The following MCHR2 variants were observed in gnomAD, a reference collection of about 807,000 sequenced individuals.
The protein encoded by MCHR2 is melanin concentrating hormone receptor 2.
MCHR2 carries 15 observed loss-of-function variants against 24.8 expected under a neutral mutation model. The ratio of observed to expected loss-of-function variants is 0.60; its 90% CI spans 0.40 to 0.93. MCHR2 has a LOEUF of 0.93. Ranked by LOEUF, MCHR2 falls within the 40% of genes least tolerant of loss-of-function variation. The pLI is 0.00. For missense variants in MCHR2, 386 were observed against 408.7 expected (o/e 0.94, Z 0.48); for synonymous variants, 151 against 147.6 (o/e 1.02, Z -0.17).
At chr6:99,940,107 C>A (rs540335085) in intron 4 of MCHR2, among the ~76,000 whole-genome samples, 235 of 151,966 alleles carry the variant, frequency 1.5e-3, no homozygotes, top group Middle Eastern at 3.4e-3. Context: ...CTGATCTTCC[C>A]ATATCTGGAT....
chr6:99,993,608 C>T (rs1489741181), intron 1 of MCHR2, among the ~76,000 whole-genome samples: 1 of 152,128 alleles, frequency 6.6e-6, no homozygotes, highest in Non-Finnish European at 1.5e-5. Flanking sequence ...CCGGCGCGCT[C>T]CAGCGGTCTC....
At chr6:99,934,765 A>T (rs1462356126) in intron 4 of MCHR2, among the ~76,000 whole-genome samples, 1 of 152,108 alleles carries the variant, frequency 6.6e-6, no homozygotes, top group Non-Finnish European at 1.5e-5. Flanking sequence ...GTGTAGAATA[A>T]GTGAGGCTAC....
In MCHR2 at chr6:99,918,732, G is replaced by A. The variant is rs1022858292; in HGVS notation, c.*2208C>T. 7.2e-5 allele frequency among the ~76,000 whole-genome samples: 11 copies of A among 152,122 alleles called. No homozygotes were observed. The highest frequency in any genetic ancestry group is 2.7e-4 in the African/African-American group (11 of 41,422). On this transcript the variant is annotated 3_prime_UTR_variant, in exon 6 of 6. Transcript: ENST00000281806. ...TCTATCAAATCACCTCTGTAAATCT[G>A]CATATAAATATGCTTATGCATAGAA...
At position 99,974,350 on chromosome 6, in the gene MCHR2, A is replaced by G. The variant is rs546058590; in HGVS notation, c.-27-18176T>C. Among the ~76,000 whole-genome samples, 12 of 152,240 alleles carry G rather than the reference A, an allele frequency of 7.9e-5. No individual in the cohort carries two copies. In the East Asian group the frequency reaches 2.3e-3, roughly 29 times the overall value. ...GATACACTTTCTTCCAGTTGATTGC[A>G]TTGGCTCCTGAGGCTTCTGCATTGT... On this transcript the variant is annotated intron_variant, in intron 1 of 5. Transcript: ENST00000281806.
At chr6:99,968,479 T>G (rs1334029720) in intron 1 of MCHR2, among the ~76,000 whole-genome samples, 1 of 152,168 alleles carries the variant, frequency 6.6e-6, no homozygotes, top group Non-Finnish European at 1.5e-5. Context: ...CTCTCACATC[T>G]CAGTTGCCCA....
chr6:99,929,608 C>A (rs1020919104), intron 5 of MCHR2, among the ~76,000 whole-genome samples: 2 of 151,862 alleles, frequency 1.3e-5, no homozygotes, highest in Non-Finnish European at 2.9e-5. Flanking sequence ...TTCTTTGTCT[C>A]TTCTGATCTT....
At chr6:99,979,419 G>A (rs1285574327) in intron 1 of MCHR2, among the ~76,000 whole-genome samples, 1 of 152,166 alleles carries the variant, frequency 6.6e-6, no homozygotes, top group African/African-American at 2.4e-5. Context: ...GTAGCCACTA[G>A]CCACATGTGG....
At chr6:99,949,197 TGCTCTAAG>T (rs1774925455) in intron 2 of MCHR2, among the ~76,000 whole-genome samples, 1 of 152,208 alleles carries the variant, frequency 6.6e-6, no homozygotes, top group Non-Finnish European at 1.5e-5. Context: ...CATAATGTTG[TGCTCTAAG>T]GCTGTAAAGC....
intron 5 of MCHR2, among the ~76,000 whole-genome samples, chr6:99,930,186 T>TA (rs1774482871): frequency 6.6e-6 from 1 of 152,202 alleles, no homozygotes; most frequent in South Asian, 2.1e-4. Context: ...TCCTGGCTTG[T>TA]AGGGTTTCTG....
intron 1 of MCHR2, among the ~76,000 whole-genome samples, chr6:99,987,302 AAT>A (rs1280678926): frequency 6.6e-6 from 1 of 152,170 alleles, no homozygotes; most frequent in Non-Finnish European, 1.5e-5. Flanking sequence ...TGTCAGGTTG[AAT>A]AATATATCCT....
At chr6:99,934,618 A>G in intron 4 of MCHR2, 101 bp from the exon 5 acceptor site, 1 of 1,111,816 alleles carries the variant, frequency 9.0e-7, no homozygotes, top group Non-Finnish European at 1.2e-6. Flanking sequence ...TAATTCTTTC[A>G]TTTTTCAGGG....
intron 1 of MCHR2, among the ~76,000 whole-genome samples, chr6:99,960,402 C>G (rs1329026140): frequency 1.3e-5 from 2 of 152,162 alleles, no homozygotes; most frequent in African/African-American, 4.8e-5. Context: ...AATGGCCATA[C>G]TGCCCAAGGT....
intron 4 of MCHR2, among the ~76,000 whole-genome samples, chr6:99,940,143 A>G (rs1356118914): frequency 6.6e-6 from 1 of 151,616 alleles, no homozygotes; most frequent in African/African-American, 2.4e-5. Context: ...AATTTGGGGA[A>G]ATTTTCTGTT....
chr6:99,939,491 T>C (rs1188323538), intron 4 of MCHR2, among the ~76,000 whole-genome samples: 1 of 152,102 alleles, frequency 6.6e-6, no homozygotes, highest in Non-Finnish European at 1.5e-5. Flanking sequence ...ATTTTAACTT[T>C]TAGTTGTCTC....
At chr6:99,963,122 CA>C (rs750292324) in intron 1 of MCHR2, among the ~76,000 whole-genome samples, 58 of 151,484 alleles carry the variant, frequency 3.8e-4, no homozygotes, top group Non-Finnish European at 8.4e-4. Flanking sequence ...AAAAAAGTGG[CA>C]AAACAAAAAA....
chr6:99,960,387 G>A (rs1311039872), intron 1 of MCHR2, among the ~76,000 whole-genome samples: 1 of 152,100 alleles, frequency 6.6e-6, no homozygotes, highest in East Asian at 1.9e-4. Context: ...AATCAATATG[G>A]TGAAAATGGC....
chr6:99,972,619 G>C (rs1389148397), intron 1 of MCHR2, among the ~76,000 whole-genome samples: 7 of 152,060 alleles, frequency 4.6e-5, no homozygotes, highest in Non-Finnish European at 8.8e-5. Context: ...GAATGTGTTT[G>C]CTCTTGCTTT....
chr6:99,935,165 AC>A (rs1225932342), intron 4 of MCHR2, among the ~76,000 whole-genome samples: 1 of 152,070 alleles, frequency 6.6e-6, no homozygotes. Context: ...AAATCAGTGT[AC>A]TTGGAATATC....
intron 5 of MCHR2, among the ~76,000 whole-genome samples, chr6:99,929,584 A>G (rs1330549097): frequency 6.6e-6 from 1 of 151,714 alleles, no homozygotes; most frequent in Non-Finnish European, 1.5e-5. Flanking sequence ...TCCCTTTACC[A>G]TTATGTAATG....
Sources: gnomAD v4.1 joint callset for allele counts (sites outside exome capture counted in the v4.1 genomes callset) on GRCh38, gnomAD v4.1.1 for gene constraint, MANE v1.5 for transcripts, NCBI Gene and HGNC (gene_info 2026-07-23, HGNC 2026-07-21) for gene names.